Variants in AHI1 observed in about 807,000 individuals in gnomAD.
The protein encoded by AHI1 is jouberin.
A neutral mutation model predicts 149.3 loss-of-function variants in AHI1; 123 were observed. That is an observed-to-expected ratio of 0.82 (90% CI 0.71 to 0.96). AHI1 has a LOEUF of 0.96. AHI1 is among the 40% of genes least tolerant of loss of function. The probability of loss-of-function intolerance (pLI) is 0.00; values close to 1 mark genes in which losing one functional copy is unlikely to be tolerated. For synonymous variants in AHI1, 475 were observed against 459.8 expected, an observed-to-expected ratio of 1.03 and a Z score of -0.42; for missense variants, 1,439 against 1,422.7, an observed-to-expected ratio of 1.01 and a Z score of -0.18.
At chr6:135,477,964 A>ATT (rs368395390) in intron 5 of AHI1, among the ~76,000 whole-genome samples, 1 of 149,804 alleles carries the variant, frequency 6.7e-6, no homozygotes, top group African/African-American at 2.5e-5. Flanking sequence ...CACCCGGCTA[A>ATT]TTTTTTTTTT....
At chr6:135,495,669 G>A (rs1398257061) in intron 3 of AHI1, 145 bp downstream of exon 3, 1 of 152,180 alleles carries the variant, frequency 6.6e-6, no homozygotes, top group Non-Finnish European at 1.5e-5. Context: ...GCTAGCTTTG[G>A]AGGACCAAGC....
chr6:135,486,615 C>A (rs566622539), intron 5 of AHI1, among the ~76,000 whole-genome samples: 1 of 152,218 alleles, frequency 6.6e-6, no homozygotes, highest in South Asian at 2.1e-4. Context: ...GTTCTCAACA[C>A]ACATTCATAA....
At position 135,402,372 on chromosome 6, in the gene AHI1, T is replaced by C. The variant is rs1780140899; in HGVS notation, c.2988+2579A>G. The stretch of plus-strand genomic sequence containing the variant: ...TCCACACCAAAACTTATACACACAA[T>C]GTTTGTAGGAGTATTATCTTAATAG... On this transcript the variant is annotated intron_variant, in intron 22 of 28. Coordinates refer to ENST00000265602, the MANE Select transcript of AHI1 (RefSeq NM_001134831.2). Among the ~76,000 whole-genome samples the C allele has an allele frequency of 2.0e-5, 3 of 152,320 alleles. No homozygotes were observed. In the South Asian group the frequency reaches 6.2e-4, roughly 32 times the overall value.
chr6:135,338,597 A>G (rs892090710), intron 24 of AHI1, among the ~76,000 whole-genome samples: 4 of 152,246 alleles, frequency 2.6e-5, no homozygotes, highest in African/African-American at 9.6e-5. Flanking sequence ...AACTGTCAAA[A>G]TCAACTTTAT....
chr6:135,308,634 T>A (rs1044603227), intron 26 of AHI1, among the ~76,000 whole-genome samples: 2 of 152,232 alleles, frequency 1.3e-5, no homozygotes, highest in Admixed American at 1.3e-4. Flanking sequence ...TAAGTTTTAA[T>A]GGAAGATCTG....
intron 23 of AHI1, among the ~76,000 whole-genome samples, chr6:135,364,718 C>T (rs1464976182): frequency 2.6e-5 from 4 of 152,220 alleles, no homozygotes; most frequent in South Asian, 2.1e-4. Flanking sequence ...AGCGAATCCC[C>T]GTCTCCACCA....
At chr6:135,482,894 C>CTGTTTTTTTTTTTTTTTTTTT (rs1793899273) in intron 5 of AHI1, among the ~76,000 whole-genome samples, 1 of 55,734 alleles carries the variant, frequency 1.8e-5, no homozygotes, top group African/African-American at 9.3e-5. Flanking sequence ...CCATTTAAGG[C>CTGTTTTTTTTTTTTTTTTTTT]TTTTTTTTTT....
intron 26 of AHI1, among the ~76,000 whole-genome samples, chr6:135,303,840 C>T (rs1583595585): frequency 6.6e-6 from 1 of 152,222 alleles, no homozygotes; most frequent in Admixed American, 6.5e-5. Context: ...CCCTATGCCC[C>T]CAGATCCCTG....
chr6:135,307,221 A>C (rs1784627639), intron 26 of AHI1: 1 of 152,212 alleles, frequency 6.6e-6, no homozygotes, highest in African/African-American at 2.4e-5. Flanking sequence ...AATAAAAGAC[A>C]CACTTAAATA....
chr6:135,399,898 C>CT (rs1290568917), intron 22 of AHI1, among the ~76,000 whole-genome samples: 12 of 151,766 alleles, frequency 7.9e-5, no homozygotes, highest in Non-Finnish European at 1.5e-4. Context: ...CATAATAAAT[C>CT]TTTTTTTAAA....
intron 23 of AHI1, among the ~76,000 whole-genome samples, chr6:135,365,122 T>C (rs918906092): frequency 2.5e-4 from 38 of 152,200 alleles, no homozygotes; most frequent in African/African-American, 9.2e-4. Context: ...CGAAGATCAG[T>C]TGGCTGTTAA....
chr6:135,367,575 C>T (rs73559954), intron 23 of AHI1, among the ~76,000 whole-genome samples: 1,770 of 152,094 alleles, frequency 0.012, 38 homozygotes, highest in African/African-American at 0.04. Context: ...TTGTCTTTGT[C>T]GGCTTGGGTC....
At chr6:135,343,144 T>C (rs1186365940) in intron 24 of AHI1, among the ~76,000 whole-genome samples, 2 of 151,856 alleles carry the variant, frequency 1.3e-5, no homozygotes, top group Non-Finnish European at 3.0e-5. Flanking sequence ...TGTCTTTCTA[T>C]ACCCAAGCAA....
intron 25 of AHI1, among the ~76,000 whole-genome samples, chr6:135,320,634 C>T (rs1240172030): frequency 6.6e-6 from 1 of 152,156 alleles, no homozygotes; most frequent in Non-Finnish European, 1.5e-5. Flanking sequence ...TCTATATCCT[C>T]TCAAGATCTG....
intron 21 of AHI1, among the ~76,000 whole-genome samples, chr6:135,409,320 T>C (rs551991715): frequency 6.9e-4 from 105 of 152,242 alleles, no homozygotes; most frequent in African/African-American, 1.8e-3. Context: ...AATAATCTAT[T>C]AATATTTTGG....
rs1787332095 is a variant in AHI1 at position 135,446,950 on chromosome 6, G to C, written c.1779+58C>G. 1.4e-5 allele frequency: 21 copies of C among 1,504,530 alleles called. No homozygotes were observed. The East Asian group carries it at 4.9e-4, about 35-fold the overall frequency. 93.2% of individuals were successfully genotyped at this position (1,504,530 alleles called of 1,614,324 possible). A position where few individuals can be genotyped will look rare whatever the true frequency, so the allele number is the denominator to read the frequency against. Reference sequence around the variant, plus strand: ...AAGCTAGATATCCTAGGAGTTATTGGAGTTTTTAAGGTAATAAGTAAACAT... The same window carrying C: ...AAGCTAGATATCCTAGGAGTTATTGCAGTTTTTAAGGTAATAAGTAAACAT... On this transcript the variant is annotated intron_variant, in intron 13 of 28. Transcript: ENST00000265602.
At chr6:135,428,585 C>A in intron 19 of AHI1, 44 bp downstream of exon 19, 3 of 1,570,614 alleles carry the variant, frequency 1.9e-6, no homozygotes, top group Non-Finnish European at 2.6e-6. Context: ...TCTTCAAACC[C>A]CTGTACCTCC....
intron 24 of AHI1, among the ~76,000 whole-genome samples, chr6:135,342,546 A>AT (rs1197810560): frequency 6.6e-6 from 1 of 151,922 alleles, no homozygotes; most frequent in Non-Finnish European, 1.5e-5. Flanking sequence ...ATTATACATC[A>AT]TAACAAGTGG....
At chr6:135,398,542 C>CTGG (rs1779579676) in intron 22 of AHI1, among the ~76,000 whole-genome samples, 1 of 152,152 alleles carries the variant, frequency 6.6e-6, no homozygotes, top group Non-Finnish European at 1.5e-5. Flanking sequence ...GTACCAAGGA[C>CTGG]TGGTGGTTCA....
Sources: allele counts gnomAD v4.1 joint callset (sites outside exome capture counted in the v4.1 genomes callset), GRCh38; gene constraint gnomAD v4.1.1; transcripts MANE v1.5; gene names NCBI Gene and HGNC (gene_info 2026-07-23, HGNC 2026-07-21).